The following ETS1 variants were observed in gnomAD, a reference collection of about 807,000 sequenced individuals.
ETS1 encodes the protein protein C-ets-1.
Under a neutral mutation model 58.6 loss-of-function variants are expected in ETS1, and 15 were observed. That is an observed-to-expected ratio of 0.26 (90% CI 0.17 to 0.39). The LOEUF is 0.39. Among genes scored for constraint, ETS1 ranks in the 10% least tolerant of loss-of-function variants. The pLI, the probability that ETS1 is intolerant of heterozygous loss-of-function variation, is 1.00. For synonymous variants in ETS1, 214 were observed against 218.2 expected (o/e 0.98, Z 0.17); for missense variants, 417 against 610.5 (o/e 0.68, Z 3.34).
chr11:128,541,252 G>A (rs1864054235), intron 3 of ETS1, among the ~76,000 whole-genome samples: 3 of 152,140 alleles, frequency 2.0e-5, no homozygotes, highest in South Asian at 2.1e-4. Context: ...TAGCCCCAAC[G>A]CCTCATGAAG....
At chr11:128,525,381 T>C (rs1333464547) in intron 3 of ETS1, among the ~76,000 whole-genome samples, 2 of 152,122 alleles carry the variant, frequency 1.3e-5, no homozygotes, top group Non-Finnish European at 2.9e-5. Flanking sequence ...AAAAAAGAAA[T>C]ATAAATATAC....
Position 128,463,854 on chromosome 11 carries a change from G to T in ETS1, c.1124-227C>A. ...AAGCATGGAAGAAAATGTGTCAAGT[G>T]CTTTATTTTGATTAACTTAAGGATC... is the stretch of plus-strand genomic sequence containing the variant. On this transcript the variant is annotated intron_variant, in intron 8 of 9. Transcript: ENST00000392668. This position sits in a 1 kb window ranked among gnomAD's most constrained non-coding sequence, Gnocchi z 4.1. The T allele has an allele frequency of 6.1e-6, 2 of 329,534 alleles. No homozygotes were observed. The highest frequency in any genetic ancestry group is 1.1e-5 in the Non-Finnish European group (2 of 177,452). 20.4% of individuals were successfully genotyped at this position (329,534 alleles called of 1,614,324 possible).
chr11:128,515,110 A>AT (rs201562902), intron 3 of ETS1, among the ~76,000 whole-genome samples: 6 of 151,858 alleles, frequency 4.0e-5, no homozygotes, highest in Middle Eastern at 6.8e-3. Context: ...AAAACACAAC[A>AT]TTTTTTTTGC....
intron 1 of ETS1, among the ~76,000 whole-genome samples, chr11:128,576,057 C>T (rs1251242334): frequency 6.6e-6 from 1 of 152,208 alleles, no homozygotes; most frequent in Non-Finnish European, 1.5e-5. Flanking sequence ...CTGGTGCACT[C>T]TGTGCTGGAC....
At chr11:128,471,893 T>G (rs1377154724) in intron 8 of ETS1, among the ~76,000 whole-genome samples, 1 of 152,222 alleles carries the variant, frequency 6.6e-6, no homozygotes, top group African/African-American at 2.4e-5. Context: ...TCCTAGGGGT[T>G]AAGTTTTCCC....
At chr11:128,556,141 TG>T (rs1864308644) in intron 3 of ETS1, 149 bp downstream of exon 3, 1 of 601,268 alleles carries the variant, frequency 1.7e-6, no homozygotes, top group South Asian at 3.8e-5. Flanking sequence ...CCAAAATTTA[TG>T]GAGAAGGCCC....
chr11:128,570,104 A>G (rs1864594790), intron 2 of ETS1, among the ~76,000 whole-genome samples: 3 of 152,202 alleles, frequency 2.0e-5, no homozygotes, highest in African/African-American at 7.2e-5. Flanking sequence ...TTCTCCCACA[A>G]TTTTGAGATA....
intron 3 of ETS1, among the ~76,000 whole-genome samples, chr11:128,545,069 AG>A (rs377074738): frequency 7.6e-4 from 115 of 152,204 alleles, no homozygotes; most frequent in African/African-American, 2.7e-3. Flanking sequence ...GCTTAGGTGA[AG>A]AGGTAAGCAA....
At position 128,543,401 on chromosome 11, in the gene ETS1, G is replaced by A. The variant is rs1044314699; in HGVS notation, c.214+12890C>T. Among the ~76,000 whole-genome samples, 11 of 152,178 alleles carry A rather than the reference G, an allele frequency of 7.2e-5. 2 individuals carry two copies. The highest frequency in any genetic ancestry group is 3.9e-4 in the East Asian group (2 of 5,180). On this transcript the variant is annotated intron_variant, in intron 3 of 9. Coordinates refer to ENST00000392668, the MANE Select transcript of ETS1 (RefSeq NM_001143820.2). Reference sequence around the variant, plus strand: ...AACTTTCCCTTCTGTTAAACACAGGGAAAAATGATCACTCTCTACCTGCCC... The same window carrying A: ...AACTTTCCCTTCTGTTAAACACAGGAAAAAATGATCACTCTCTACCTGCCC...
At chr11:128,481,983 C>T (rs1242823318) in intron 7 of ETS1, among the ~76,000 whole-genome samples, 1 of 152,160 alleles carries the variant, frequency 6.6e-6, no homozygotes, top group Non-Finnish European at 1.5e-5. Context: ...CTCCACTCAT[C>T]CATTCAGAGG....
At chr11:128,469,292 G>T (rs936954943) in intron 8 of ETS1, among the ~76,000 whole-genome samples, 1 of 152,126 alleles carries the variant, frequency 6.6e-6, no homozygotes, top group African/African-American at 2.4e-5. Context: ...CTTGCAATAG[G>T]GCTGACTCTG....
Position 128,522,454 on chromosome 11 carries a change from G to A in ETS1, c.215-31878C>T, listed in dbSNP as rs962587069. 1.2e-4 allele frequency: 78 copies of A among 630,624 alleles called. No homozygotes were observed. In the African/African-American group the frequency reaches 1.5e-3, roughly 12 times the overall value. The allele number at this position is 630,624 out of a possible 1,614,324, so 39.1% of individuals were successfully genotyped here. A position where few individuals can be genotyped will look rare whatever the true frequency, so the allele number is the denominator to read the frequency against. On this transcript the variant is annotated intron_variant, in intron 3 of 9. Transcript: ENST00000392668. Reference sequence around the variant, plus strand: ...GGGGGAGCGAGGGGCGGGGCGTCGGGGCAGGGCGGGGAGCCGGGGGCGGGG... The same window carrying A: ...GGGGGAGCGAGGGGCGGGGCGTCGGAGCAGGGCGGGGAGCCGGGGGCGGGG...
At chr11:128,545,074 T>G (rs77687609) in intron 3 of ETS1, among the ~76,000 whole-genome samples, 3,024 of 152,000 alleles carry the variant, frequency 0.02, 105 homozygotes, top group East Asian at 0.13. Context: ...GGTGAAGAGG[T>G]AAGCAAACCC....
intron 2 of ETS1, among the ~76,000 whole-genome samples, chr11:128,571,500 T>TCCAGCCTGGGCGACAGAGCGAGA (rs1565414945): frequency 5.5e-5 from 2 of 36,140 alleles, no homozygotes; most frequent in African/African-American, 2.5e-4. Flanking sequence ...CAAGACTCCG[T>TCCAGCCTGGGCGACAGAGCGAGA]CAAAAAAAAA....
chr11:128,577,326 A>G (rs950605), intron 1 of ETS1, among the ~76,000 whole-genome samples: 4,621 of 152,274 alleles, frequency 0.03, 258 homozygotes, highest in African/African-American at 0.1. Context: ...TTCTATTCAC[A>G]TAGCTATTTA....
intron 3 of ETS1, among the ~76,000 whole-genome samples, chr11:128,518,106 A>G (rs759166497): frequency 2.6e-5 from 4 of 152,102 alleles, no homozygotes; most frequent in East Asian, 3.8e-4. Flanking sequence ...CCATCACCCA[A>G]AGTAACTGGC....
At chr11:128,475,186 C>T (rs1862289792) in intron 8 of ETS1, among the ~76,000 whole-genome samples, 2 of 152,214 alleles carry the variant, frequency 1.3e-5, no homozygotes, top group Admixed American at 6.5e-5. Context: ...AGGCTCATAC[C>T]AAAAGTTTCC....
At chr11:128,544,393 G>T (rs1262640581) in intron 3 of ETS1, among the ~76,000 whole-genome samples, 1 of 134,220 alleles carries the variant, frequency 7.5e-6, no homozygotes, top group Non-Finnish European at 1.6e-5. Flanking sequence ...CTGTAGCCCA[G>T]TTAGTAGGGC....
intron 3 of ETS1, among the ~76,000 whole-genome samples, chr11:128,512,316 G>A (rs751437746): frequency 7.3e-4 from 111 of 152,278 alleles, no homozygotes; most frequent in Admixed American, 1.1e-3. Context: ...AGAAAAGATG[G>A]ATGGAGATGA....
Sources: gnomAD v4.1 joint callset for allele counts (sites outside exome capture counted in the v4.1 genomes callset) on GRCh38, gnomAD v4.1.1 for gene constraint, Gnocchi (gnomAD v3.1) non-coding constraint, MANE v1.5 for transcripts, NCBI Gene and HGNC (gene_info 2026-07-23, HGNC 2026-07-21) for gene names.